The following WIZ variants were observed in gnomAD, a reference collection of about 807,000 sequenced individuals.
WIZ encodes the protein protein Wiz.
In WIZ, 25 loss-of-function variants were observed where a neutral mutation model predicts 140.2. That is an observed-to-expected ratio of 0.18 (90% confidence interval 0.13 to 0.25). The LOEUF is 0.25. Ranked by LOEUF, WIZ falls within the 10% of genes least tolerant of loss-of-function variation. WIZ has a pLI of 1.00. For missense variants in WIZ, 2,231 were observed against 2,632.6 expected, an observed-to-expected ratio of 0.85 and a Z score of 3.34; for synonymous variants, 1,125 against 1,154.3, an observed-to-expected ratio of 0.97 and a Z score of 0.51.
At chr19:15,432,235 G>C (rs1467740804) in intron 5 of WIZ, among the ~76,000 whole-genome samples, 2 of 151,960 alleles carry the variant, frequency 1.3e-5, no homozygotes, top group African/African-American at 2.4e-5. Context: ...CGGGGCAAAG[G>C]TCTCGAGGAG....
chr19:15,440,217 C>G lies in WIZ; in HGVS notation c.777G>C (p.Ser259=), dbSNP rs536383126. The change falls in exon 4 of 13, where the codon TCG becomes TCC. Residue 259 remains serine, a synonymous_variant. Coordinates refer to ENST00000673675, the MANE Select transcript of WIZ (RefSeq NM_001371589.1). This position sits in a 1 kb window ranked among gnomAD's most constrained non-coding sequence, Gnocchi z 6.2. ...PSEWGLPTSA[S]EVATQTWTVN... ...CTGTCCAGGTCTGTGTGGCTACCTC[C>G]GAGGCTGACGTGGGTAGGCCCCACT... 8 of 1,516,954 alleles carry G rather than the reference C, an allele frequency of 5.3e-6. No individual in the cohort carries two copies. In the African/African-American group the frequency reaches 8.3e-5, roughly 16 times the overall value. The allele number at this position is 1,516,954 out of a possible 1,614,324, so 94.0% of individuals were successfully genotyped here.
At chr19:15,432,636 C>A (rs1969340957) in intron 5 of WIZ, 1 of 151,894 alleles carries the variant, frequency 6.6e-6, no homozygotes, top group Non-Finnish European at 1.4e-5. Flanking sequence ...GGGCGCCCCC[C>A]GCGCGCGGCC....
chr19:15,424,897 C>A lies in WIZ; in HGVS notation c.5030G>T (p.Ser1677Ile). Residue 1677 changes from serine to isoleucine, a missense_variant, in exon 11 of 13, where the codon AGC (serine) becomes ATC (isoleucine). Transcript: ENST00000673675. This position sits in a 1 kb window ranked among gnomAD's most constrained non-coding sequence, Gnocchi z 9.7. Reference sequence around the variant, plus strand: ...CTGGGGCCGGTGTTTGATCCACTCGCTCAGTGTCTCGATGGGCGAGCCATT... The same window carrying A: ...CTGGGGCCGGTGTTTGATCCACTCGATCAGTGTCTCGATGGGCGAGCCATT... ...CVNGSPIETL[S>I]EWIKHRPQKV... The A allele has an allele frequency of 6.2e-7, 1 of 1,610,534 alleles. No homozygotes were observed. Among genetic ancestry groups the A allele is most frequent in the Non-Finnish European group, 8.5e-7 (1 of 1,179,360 alleles).
chr19:15,426,951 T>C, intron 9 of WIZ, 31 bp downstream of exon 9: 1 of 1,575,140 alleles, frequency 6.3e-7, no homozygotes, highest in East Asian at 2.2e-5. Flanking sequence ...CTCCAACTGT[T>C]CTCCCTGCCC....
At chr19:15,432,013 G>A (rs576472231) in intron 5 of WIZ, among the ~76,000 whole-genome samples, 1 of 152,306 alleles carries the variant, frequency 6.6e-6, no homozygotes, top group East Asian at 1.9e-4. Flanking sequence ...GGGGCAGGGG[G>A]CCATGTAGGT....
Position 15,442,267 on chromosome 19 carries a change from T to C in WIZ, c.278+409A>G, listed in dbSNP as rs952974504. On this transcript the variant is annotated intron_variant, in intron 3 of 12. Coordinates refer to ENST00000673675, the MANE Select transcript of WIZ (RefSeq NM_001371589.1). The surrounding 1 kb of genome is among the most constrained non-coding windows in gnomAD (Gnocchi z 5.5). ...AGAGTAGGGACCATCAGCATTGCTC[T>C]TGATTCCTGCTCTCACCCAATGCCC... is the stretch of plus-strand genomic sequence containing the variant. Among the ~76,000 whole-genome samples the C allele has an allele frequency of 8.5e-5, 13 of 152,122 alleles. No individual in the cohort carries two copies. The highest frequency in any genetic ancestry group is 2.9e-4 in the African/African-American group (12 of 41,414).
chr19:15,439,151 C>T lies in WIZ; in HGVS notation c.1843G>A (p.Glu615Lys), dbSNP rs933523648. ...TCCTCCTCCTCCTCCTCCTCCTCTT[C>T]GCTCCAAGGGCGCCTCCGTTCCCCC... is the stretch of plus-strand genomic sequence containing the variant. ...GLGERRRPWS[E>K]EEEEEEEEED... is the part of the protein sequence containing the mutation. The change falls in exon 4 of 13, where the codon GAA (glutamate) becomes AAA (lysine). Residue 615 changes from glutamate to lysine, a missense_variant. By Grantham distance (56) the Glu-to-Lys change is moderately conservative (BLOSUM62 1). Transcript: ENST00000673675. This position sits in a 1 kb window ranked among gnomAD's most constrained non-coding sequence, Gnocchi z 7.0. 41 of 1,525,602 alleles carry T rather than the reference C, an allele frequency of 2.7e-5. No homozygotes were observed. The highest frequency in any genetic ancestry group is 3.1e-5 in the Non-Finnish European group (35 of 1,141,300). 94.5% of individuals were successfully genotyped at this position (1,525,602 alleles called of 1,614,324 possible).
In WIZ at chr19:15,426,983, C is replaced by G; in HGVS notation, c.4365G>C (p.Leu1455=). The change falls in exon 9 of 13, where the codon CTG becomes CTC. Residue 1455 remains leucine (L), a splice_region_variant and synonymous_variant. Coordinates refer to ENST00000673675, the MANE Select transcript of WIZ (RefSeq NM_001371589.1). ...APREDMTPLN[L]SSRAEPVRDI... ...GCCCTACTGCAGGGTCACACTTACA[C>G]AGGTTCAGGGGTGTCATGTCTTCCC... The G allele has an allele frequency of 6.2e-7, 1 of 1,609,132 alleles. No individual in the cohort carries two copies. The highest frequency in any genetic ancestry group is 8.5e-7 in the Non-Finnish European group (1 of 1,177,198).
Position 15,424,008 on chromosome 19 carries a change from G to C in WIZ, c.5510+175C>G. On this transcript the variant is annotated intron_variant, in intron 12 of 12. Coordinates refer to ENST00000673675, the MANE Select transcript of WIZ (RefSeq NM_001371589.1). This position sits in a 1 kb window ranked among gnomAD's most constrained non-coding sequence, Gnocchi z 9.7. ...GTGGCAGAGTTGGGATTTGAACCCAGGTCTCGCAGGCTACAAAGCTCAGGG... is the reference window on the plus strand; with the variant it reads ...GTGGCAGAGTTGGGATTTGAACCCACGTCTCGCAGGCTACAAAGCTCAGGG... 1 of 543,512 alleles carries C rather than the reference G, an allele frequency of 1.8e-6. No individual in the cohort carries two copies. 33.7% of individuals were successfully genotyped at this position (543,512 alleles called of 1,614,324 possible).
Position 15,422,928 on chromosome 19 carries a change from G to T in WIZ, c.*148C>A. On this transcript the variant is annotated 3_prime_UTR_variant, in exon 13 of 13. Transcript: ENST00000673675. The stretch of plus-strand genomic sequence containing the variant: ...CTAGCTGGCTCCCGGCGCCCTGGCT[G>T]TAGTGTGCCCGGCCCCCAAGGGGCG... 8.0e-7 allele frequency: 1 copy of T among 1,244,400 alleles called. No homozygotes were observed. The highest frequency in any genetic ancestry group is 1.1e-6 in the Non-Finnish European group (1 of 925,556). 77.1% of individuals were successfully genotyped at this position (1,244,400 alleles called of 1,614,324 possible). A position where few individuals can be genotyped will look rare whatever the true frequency, so the allele number is the denominator to read the frequency against.
intron 5 of WIZ, among the ~76,000 whole-genome samples, chr19:15,434,149 T>C (rs1048005640): frequency 2.0e-5 from 3 of 151,714 alleles, no homozygotes; most frequent in Non-Finnish European, 2.9e-5. Flanking sequence ...TCCCAGCTAC[T>C]TGGGAGGCTG....
In WIZ at chr19:15,442,165, C is replaced by T. The variant is rs1394904717; in HGVS notation, c.278+511G>A. Among the ~76,000 whole-genome samples, 3 of 144,774 alleles carry T rather than the reference C, an allele frequency of 2.1e-5. No individual in the cohort carries two copies. Among genetic ancestry groups the T allele is most frequent in the Admixed American group, 7.0e-5 (1 of 14,266 alleles). The allele number at this position is 144,774 out of a possible 152,430, so 95.0% of individuals were successfully genotyped here. A position where few individuals can be genotyped will look rare whatever the true frequency, so the allele number is the denominator to read the frequency against. Reference sequence around the variant, plus strand: ...TCACGCCACTGCACTCCAGCCTGGGCGATAGAGTGAGACTTTCTCAAAAAA... The same window carrying T: ...TCACGCCACTGCACTCCAGCCTGGGTGATAGAGTGAGACTTTCTCAAAAAA... On this transcript the variant is annotated intron_variant, in intron 3 of 12. Transcript: ENST00000673675. This position sits in a 1 kb window ranked among gnomAD's most constrained non-coding sequence, Gnocchi z 5.5.
rs1271663605 is a variant in WIZ at position 15,424,712 on chromosome 19, G to A, written c.5215C>T (p.Pro1739Ser). Residue 1739 changes from proline (P) to serine (S), a missense_variant, in exon 11 of 13, where the codon CCC becomes TCC. Physicochemically the swap from Pro to Ser is moderately conservative, Grantham distance 74. This residue lies in a region of WIZ where 299 missense variants were observed against 309.6 expected (regional missense o/e 0.97). Coordinates refer to ENST00000673675, the MANE Select transcript of WIZ (RefSeq NM_001371589.1). The surrounding 1 kb of genome is among the most constrained non-coding windows in gnomAD (Gnocchi z 9.7). The stretch of plus-strand genomic sequence containing the variant: ...CCGTCGGCTGCCCGGCCAGCCTCGG[G>A]CCCTGGCTCCCCTCCGGCACTGCGG... ...VGRSAGGEPG[P>S]EAGRAADGGE... The A allele has an allele frequency of 1.9e-6, 3 of 1,580,516 alleles. No homozygotes were observed. The highest frequency in any genetic ancestry group is 3.5e-5 in the Admixed American group (2 of 57,822).
At chr19:15,430,878 C>G in intron 6 of WIZ, 134 bp downstream of exon 6, 10 of 1,160,284 alleles carry the variant, frequency 8.6e-6, no homozygotes, top group Non-Finnish European at 1.2e-5. Context: ...GAGTGCCAAC[C>G]TTGGTGCCTC....
chr19:15,431,800 T>C (rs1599678452), intron 5 of WIZ, among the ~76,000 whole-genome samples: 1 of 152,096 alleles, frequency 6.6e-6, no homozygotes, highest in African/African-American at 2.4e-5. Flanking sequence ...TCACAGAACT[T>C]TGTGTTAAGT....
chr19:15,443,570 T>C (rs1010616000), intron 2 of WIZ, among the ~76,000 whole-genome samples: 1 of 152,194 alleles, frequency 6.6e-6, no homozygotes, highest in Admixed American at 6.5e-5. Flanking sequence ...CCCAGGGCAC[T>C]CATCTCTGAC....
Position 15,429,933 on chromosome 19 carries a change from T to C in WIZ, c.3068A>G (p.Lys1023Arg). 2.0e-6 allele frequency: 3 copies of C among 1,536,020 alleles called. No homozygotes were observed. The highest frequency in any genetic ancestry group is 2.6e-6 in the Non-Finnish European group (3 of 1,146,812). ...IDLLYELVKQ[K>R]GLPDAHLGLP... ...CCCAAGGTGGGCGTCAGGCAGACCCTTCTGCTTCACAAGCTCGTAGAGGAG... is the reference window on the plus strand; with the variant it reads ...CCCAAGGTGGGCGTCAGGCAGACCCCTCTGCTTCACAAGCTCGTAGAGGAG... The change falls in exon 7 of 13, where the codon AAG (lysine) becomes AGG (arginine). Residue 1023 changes from lysine (K) to arginine (R), a missense_variant. Lys to Arg is a conservative substitution (Grantham distance 26). Around this residue, in one of 15 missense-constraint regions of WIZ, gnomAD observed 163 missense variants for 166.8 expected, o/e 0.98. Transcript: ENST00000673675.
chr19:15,424,506 G>A lies in WIZ; in HGVS notation c.5314+107C>T. Reference sequence around the variant, plus strand: ...GGGGGATGGATGGGTGAATGGGTAAGCAACTGGAGAAAGGACTTAAGGGCC... The same window carrying A: ...GGGGGATGGATGGGTGAATGGGTAAACAACTGGAGAAAGGACTTAAGGGCC... On this transcript the variant is annotated intron_variant, in intron 11 of 12. Transcript: ENST00000673675. The surrounding 1 kb of genome is among the most constrained non-coding windows in gnomAD (Gnocchi z 9.7). 2 of 1,528,860 alleles carry A rather than the reference G, an allele frequency of 1.3e-6. No homozygotes were observed. Among genetic ancestry groups the A allele is most frequent in the Non-Finnish European group, 1.8e-6 (2 of 1,137,690 alleles). The allele number at this position is 1,528,860 out of a possible 1,614,324, so 94.7% of individuals were successfully genotyped here.
In WIZ at chr19:15,439,961, G is replaced by A; in HGVS notation, c.1033C>T (p.Pro345Ser). 1.3e-6 allele frequency: 2 copies of A among 1,535,630 alleles called. No homozygotes were observed. The highest frequency in any genetic ancestry group is 1.2e-5 in the South Asian group (1 of 84,046). Residue 345 changes from proline to serine, a missense_variant, in exon 4 of 13, where the codon CCC (proline) becomes TCC (serine). Around this residue, in one of 15 missense-constraint regions of WIZ, gnomAD observed 475 missense variants for 520.2 expected, o/e 0.91. Transcript: ENST00000673675. The surrounding 1 kb of genome is among the most constrained non-coding windows in gnomAD (Gnocchi z 7.0). ...GCCAGCGGGGCCAGGTCCGCAGGGG[G>A]CTCCTGGCCCGGGGCTCGGCGGTGC... ...SQHRRAPGQE[P>S]PADLAPLACG...
Sources: allele counts gnomAD v4.1 joint callset (sites outside exome capture counted in the v4.1 genomes callset), GRCh38; gene constraint gnomAD v4.1.1; regional missense constraint gnomAD v4.1.1; non-coding constraint Gnocchi (gnomAD v3.1); transcripts MANE v1.5; gene names NCBI Gene and HGNC (gene_info 2026-07-23, HGNC 2026-07-21).